The following ZNF385D variants were observed in gnomAD, a reference collection of about 807,000 sequenced individuals.
ZNF385D encodes the protein zinc finger protein 659.
A neutral mutation model predicts 35.8 loss-of-function variants in ZNF385D; 15 were observed. The observed-to-expected ratio is 0.42, with a 90% confidence interval of 0.28 to 0.64. ZNF385D has a LOEUF of 0.64. Among genes scored for constraint, ZNF385D ranks in the 30% least tolerant of loss-of-function variants. The pLI is 0.23. For synonymous variants in ZNF385D, 212 were observed against 186.8 expected, an observed-to-expected ratio of 1.13 and a Z score of -1.10; for missense variants, 474 against 494.6, an observed-to-expected ratio of 0.96 and a Z score of 0.39.
At chr3:21,427,187 A>G (rs1308522051) in intron 5 of ZNF385D, among the ~76,000 whole-genome samples, 1 of 152,184 alleles carries the variant, frequency 6.6e-6, no homozygotes, top group East Asian at 1.9e-4. Context: ...CATAAGTGGG[A>G]GGAGGGCAAA....
chr3:21,626,206 G>C (rs1532129), intron 2 of ZNF385D, among the ~76,000 whole-genome samples: 38,987 of 151,998 alleles, frequency 0.26, 6,146 homozygotes, highest in Middle Eastern at 0.37. Flanking sequence ...GTCAGAGGCA[G>C]AGGTTGTAGA....
chr3:22,316,462 A>C (rs1333992363), intron 2 of ZNF385D, among the ~76,000 whole-genome samples: 2 of 152,194 alleles, frequency 1.3e-5, no homozygotes, highest in Admixed American at 6.5e-5. Flanking sequence ...TTAGGCAATA[A>C]ACAAATAAAA....
chr3:22,191,010 CGT>C (rs982157713), intron 2 of ZNF385D, among the ~76,000 whole-genome samples: 9 of 151,800 alleles, frequency 5.9e-5, no homozygotes, highest in African/African-American at 2.2e-4. Context: ...ATAAGAAATA[CGT>C]GTGTTTTTAA....
intron 2 of ZNF385D, among the ~76,000 whole-genome samples, chr3:22,181,677 G>C (rs1035256318): frequency 7.5e-6 from 1 of 134,104 alleles, no homozygotes; most frequent in African/African-American, 2.9e-5. Flanking sequence ...CGGCCTGGGC[G>C]AAAGAGTGAG....
chr3:21,989,437 G>A (rs762223103), intron 3 of ZNF385D, among the ~76,000 whole-genome samples: 7 of 151,998 alleles, frequency 4.6e-5, no homozygotes, highest in Admixed American at 2.6e-4. Context: ...TGCAACAGTC[G>A]GAAACTAATT....
At chr3:22,370,190 G>A (rs1402901071) in intron 2 of ZNF385D, among the ~76,000 whole-genome samples, 1 of 152,162 alleles carries the variant, frequency 6.6e-6, no homozygotes. Flanking sequence ...GTCAGGATCT[G>A]AGCTTTAATT....
At chr3:22,031,584 GT>G (rs1559317713) in intron 3 of ZNF385D, among the ~76,000 whole-genome samples, 1 of 152,160 alleles carries the variant, frequency 6.6e-6, no homozygotes, top group Non-Finnish European at 1.5e-5. Flanking sequence ...AGAGCAGCGT[GT>G]CCCTGGACTG....
chr3:21,569,708 C>G (rs1344515744), intron 2 of ZNF385D, among the ~76,000 whole-genome samples: 3 of 151,502 alleles, frequency 2.0e-5, no homozygotes, highest in South Asian at 2.1e-4. Context: ...CACATATACA[C>G]CATGGAATAC....
chr3:22,258,481 G>C (rs17011110), intron 2 of ZNF385D, among the ~76,000 whole-genome samples: 2,153 of 151,560 alleles, frequency 0.014, 64 homozygotes, highest in South Asian at 0.09. Flanking sequence ...AAATTGCTTG[G>C]GTTTTAGAAC....
At chr3:22,338,361 A>G (rs1695264928) in intron 2 of ZNF385D, among the ~76,000 whole-genome samples, 1 of 152,196 alleles carries the variant, frequency 6.6e-6, no homozygotes, top group Non-Finnish European at 1.5e-5. Context: ...AGAAACACAT[A>G]AGAGAGAGAA....
At chr3:21,831,529 A>G (rs1465554016) in intron 3 of ZNF385D, among the ~76,000 whole-genome samples, 1 of 152,154 alleles carries the variant, frequency 6.6e-6, no homozygotes, top group Non-Finnish European at 1.5e-5. Flanking sequence ...AGACCTTTCT[A>G]CACTTCATTC....
rs115882862 is a variant in ZNF385D at position 21,917,636 on chromosome 3, T to A, written c.325+251181A>T. On this transcript the variant is annotated intron_variant, in intron 3 of 5. Transcript: ENST00000494108. ...TAAACTCTCAGCTTTCTGCTTCACG[T>A]TATAGAGTTTTAAAGTCATATACAC... 5.1e-3 allele frequency among the ~76,000 whole-genome samples: 773 copies of A among 152,296 alleles called. 8 individuals carry two copies. Among genetic ancestry groups the A allele is most frequent in the African/African-American group, 0.018 (737 of 41,576 alleles).
intron 3 of ZNF385D, among the ~76,000 whole-genome samples, chr3:21,878,552 T>C (rs969107858): frequency 5.5e-5 from 8 of 145,566 alleles, no homozygotes; most frequent in Non-Finnish European, 1.0e-4. Context: ...TTTTCAACTT[T>C]TATTTTAACA....
intron 4 of ZNF385D, among the ~76,000 whole-genome samples, chr3:21,486,331 G>A (rs1705027342): frequency 6.7e-6 from 1 of 150,172 alleles, no homozygotes; most frequent in Non-Finnish European, 1.5e-5. Context: ...AAGGAGCCAA[G>A]TCTCATAAAC....
intron 5 of ZNF385D, among the ~76,000 whole-genome samples, chr3:21,433,009 T>G (rs1701371711): frequency 6.6e-6 from 1 of 152,136 alleles, no homozygotes; most frequent in Non-Finnish European, 1.5e-5. Flanking sequence ...AATGCCATTA[T>G]GGCTTCTTAA....
rs572526875 is a variant in ZNF385D, at chr3:22,200,075, C to G, written c.107-31040G>C. Among the ~76,000 whole-genome samples the G allele has an allele frequency of 8.4e-4, 128 of 152,008 alleles. 1 individual carries two copies. Among genetic ancestry groups the G allele is most frequent in the Non-Finnish European group, 1.5e-3 (103 of 67,982 alleles). ...AAGGTTAAGATCATACAAGTAAAAG[C>G]TGTCAAAGACAGAATAGGAACATCC... On this transcript the variant is annotated intron_variant, in intron 2 of 5. Transcript: ENST00000494108.
At chr3:21,773,595 T>G (rs867066295) in intron 3 of ZNF385D, among the ~76,000 whole-genome samples, 1 of 151,688 alleles carries the variant, frequency 6.6e-6, no homozygotes, top group South Asian at 2.1e-4. Flanking sequence ...ACAATCCCAT[T>G]AAAAAGTGGG....
rs958699062 is a variant in ZNF385D, at chr3:21,800,183, T to A, written c.326-135155A>T. ...TTTGAAACTAGAATGTATGAAATAT[T>A]CAACTTTATTTTCCCTTTTCAAGAT... On this transcript the variant is annotated intron_variant, in intron 3 of 5. Coordinates refer to the ZNF385D transcript ENST00000494108. Among the ~76,000 whole-genome samples, 13 of 152,216 alleles carry A rather than the reference T, an allele frequency of 8.5e-5. No individual in the cohort carries two copies. The East Asian group carries it at 2.5e-3, about 29-fold the overall frequency.
chr3:22,236,193 T>C (rs116303292), intron 2 of ZNF385D, among the ~76,000 whole-genome samples: 334 of 152,320 alleles, frequency 2.2e-3, no homozygotes, highest in Non-Finnish European at 4.0e-3. Flanking sequence ...TTTTATGATA[T>C]ATATGTATGT....
Sources: allele counts gnomAD v4.1 joint callset (sites outside exome capture counted in the v4.1 genomes callset), GRCh38; gene constraint gnomAD v4.1.1; transcripts MANE v1.5; gene names NCBI Gene and HGNC (gene_info 2026-07-23, HGNC 2026-07-21).